KDM4B: variants seen among roughly 807,000 people sequenced by gnomAD.
KDM4B encodes the protein lysine-specific demethylase 4B.
In KDM4B, 32 loss-of-function variants were observed where a neutral mutation model predicts 125.2. That is an observed-to-expected ratio of 0.26 (90% CI 0.19 to 0.34). The LOEUF is 0.34. Among genes scored for constraint, KDM4B ranks in the 10% least tolerant of loss-of-function variants. The probability of loss-of-function intolerance (pLI) is 1.00; values close to 1 mark genes in which losing one functional copy is unlikely to be tolerated. For missense variants in KDM4B, 1,190 were observed against 1,577.7 expected, an observed-to-expected ratio of 0.75 and a Z score of 4.16; for synonymous variants, 721 against 677.9, an observed-to-expected ratio of 1.06 and a Z score of -0.99.
intron 1 of KDM4B, among the ~76,000 whole-genome samples, chr19:4,994,951 T>C (rs1334205475): frequency 6.6e-6 from 1 of 152,222 alleles, no homozygotes; most frequent in Admixed American, 6.5e-5. Flanking sequence ...AGCAAGGCTG[T>C]GCTTACTCCT....
chr19:5,036,443 T>A (rs1259210944), intron 3 of KDM4B, among the ~76,000 whole-genome samples: 4 of 152,170 alleles, frequency 2.6e-5, no homozygotes, highest in Non-Finnish European at 5.9e-5. Flanking sequence ...CCCCGACCAC[T>A]TGGGAAGCAC....
At chr19:5,113,999 G>A (rs959661259) in intron 10 of KDM4B, 14 of 1,259,290 alleles carry the variant, frequency 1.1e-5, no homozygotes, top group East Asian at 5.6e-5. Context: ...CTCGTTGAGC[G>A]AGCGTTGGGG....
At chr19:5,099,551 A>G (rs530678899) in intron 9 of KDM4B, among the ~76,000 whole-genome samples, 3 of 152,392 alleles carry the variant, frequency 2.0e-5, no homozygotes, top group East Asian at 1.9e-4. Flanking sequence ...TCAAAAGCCA[A>G]CATGGCAGGT....
chr19:5,132,016 G>T lies in KDM4B; in HGVS notation c.1906+9G>T. ...GGCCTCAAGTGACGAGGGTGAGTGG[G>T]GGGTCCCCAGGTCGGCTCTCATCAG... On this transcript the variant is annotated intron_variant, in intron 13 of 22. Transcript: ENST00000159111. 6.3e-7 allele frequency: 1 copy of T among 1,599,822 alleles called. No individual in the cohort carries two copies. The highest frequency in any genetic ancestry group is 2.2e-5 in the East Asian group (1 of 44,530).
intron 2 of KDM4B, among the ~76,000 whole-genome samples, chr19:5,027,655 C>T (rs1176135839): frequency 6.6e-6 from 1 of 151,646 alleles, no homozygotes; most frequent in African/African-American, 2.4e-5. Flanking sequence ...ATTCTCTTGC[C>T]TCAGCCTCCT....
intron 18 of KDM4B, among the ~76,000 whole-genome samples, chr19:5,139,578 C>T (rs2039706032): frequency 6.6e-6 from 1 of 152,244 alleles, no homozygotes; most frequent in African/African-American, 2.4e-5. Flanking sequence ...CTCGTCCTCA[C>T]TCACACCTAC....
chr19:5,128,246 G>T (rs956744107), intron 11 of KDM4B, among the ~76,000 whole-genome samples: 3 of 152,150 alleles, frequency 2.0e-5, no homozygotes, highest in African/African-American at 7.2e-5. Flanking sequence ...TTTCCTCCTC[G>T]CCTCCTTCCC....
At chr19:5,033,449 G>A (rs2036522215) in intron 3 of KDM4B, among the ~76,000 whole-genome samples, 1 of 152,150 alleles carries the variant, frequency 6.6e-6, no homozygotes, top group Non-Finnish European at 1.5e-5. Context: ...GTATGGTGGT[G>A]CATGCCTGTG....
chr19:5,135,339 G>T lies in KDM4B; in HGVS notation c.2086G>T (p.Ala696Ser). The T allele has an allele frequency of 6.2e-7, 1 of 1,607,422 alleles. No homozygotes were observed. The change falls in exon 15 of 23, where the codon GCC becomes TCC. Residue 696 changes from alanine (A) to serine (S), a missense_variant and splice_region_variant. Ala to Ser is a moderately conservative substitution (Grantham distance 99). This residue lies in a region of KDM4B where 128 missense variants were observed against 137.8 expected (regional missense o/e 0.93). Coordinates refer to ENST00000159111, the MANE Select transcript of KDM4B (RefSeq NM_015015.3). Reference sequence around the variant, plus strand: ...CCTGAAGGTCGCCTCTCCCCTACAGGCCCTACAGACTGAGAAGGAGGCACC... The same window carrying T: ...CCTGAAGGTCGCCTCTCCCCTACAGTCCCTACAGACTGAGAAGGAGGCACC... ...ICTLFYPYCQ[A>S]LQTEKEAPIA... is the part of the protein sequence containing the mutation.
intron 1 of KDM4B, among the ~76,000 whole-genome samples, chr19:4,982,609 C>G (rs1599350924): frequency 1.3e-5 from 2 of 151,814 alleles, no homozygotes; most frequent in South Asian, 4.2e-4. Flanking sequence ...CTCTCTCTCT[C>G]TCTTTCTCTC....
intron 1 of KDM4B, among the ~76,000 whole-genome samples, chr19:4,989,594 G>A (rs1426598522): frequency 1.3e-5 from 2 of 151,842 alleles, no homozygotes; most frequent in African/African-American, 2.4e-5. Context: ...GCCTGCCTCA[G>A]CCTCCCAAAG....
rs771674735 is a variant in KDM4B at position 5,151,355 on chromosome 19, G to T, written c.3135G>T (p.Pro1045=). ...CGCAGTCACTGAGCACGGGGGCACC[G>T]CAGGAGCCCGCCTTCTCGGGGGAGG... is the stretch of plus-strand genomic sequence containing the variant. ...RSRLSLSTGA[P]QEPAFSGEEA... Residue 1045 remains proline, a synonymous_variant, in exon 23 of 23, where the codon CCG becomes CCT. Transcript: ENST00000159111. 6.4e-7 allele frequency: 1 copy of T among 1,572,966 alleles called. No homozygotes were observed. Among genetic ancestry groups the T allele is most frequent in the East Asian group, 2.4e-5 (1 of 41,990 alleles).
chr19:5,011,270 G>A (rs138525207), intron 1 of KDM4B, among the ~76,000 whole-genome samples: 6 of 152,304 alleles, frequency 3.9e-5, no homozygotes, highest in Non-Finnish European at 7.4e-5. Context: ...GGCCGTGCTC[G>A]ATGCTGTTGG....
intron 1 of KDM4B, among the ~76,000 whole-genome samples, chr19:4,990,106 A>G (rs1348188032): frequency 6.6e-6 from 1 of 152,152 alleles, no homozygotes; most frequent in Non-Finnish European, 1.5e-5. Context: ...GCTGGGCAAC[A>G]TAATGAGACC....
intron 4 of KDM4B, 150 bp downstream of exon 4, chr19:5,040,161 T>C (rs1386037198): frequency 2.2e-6 from 2 of 890,486 alleles, no homozygotes; most frequent in Admixed American, 2.9e-5. Flanking sequence ...TGGCGACCCC[T>C]GCTCCCAGGG....
intron 2 of KDM4B, among the ~76,000 whole-genome samples, chr19:5,029,014 G>A (rs975950029): frequency 1.3e-5 from 2 of 152,170 alleles, no homozygotes; most frequent in African/African-American, 4.8e-5. Flanking sequence ...CAGCTCAAGC[G>A]ATTCTCCTGC....
intron 8 of KDM4B, chr19:5,077,698 C>T (rs56772573): frequency 0.078 from 41,060 of 523,932 alleles, 2,048 homozygotes; most frequent in Middle Eastern, 0.15. Context: ...ACCTCCCCTC[C>T]CAAACCAAAC....
chr19:5,019,921 T>C (rs1264895974), intron 2 of KDM4B, among the ~76,000 whole-genome samples: 2 of 141,206 alleles, frequency 1.4e-5, no homozygotes, highest in Non-Finnish European at 3.1e-5. Context: ...GGTGTGGATG[T>C]TGGTGTGGGT....
intron 9 of KDM4B, among the ~76,000 whole-genome samples, chr19:5,083,862 A>G (rs1296676639): frequency 6.6e-6 from 1 of 152,216 alleles, no homozygotes; most frequent in Non-Finnish European, 1.5e-5. Context: ...CACAAATGGC[A>G]GATTCTTCTC....
Sources: gnomAD v4.1 joint callset for allele counts (sites outside exome capture counted in the v4.1 genomes callset) on GRCh38, gnomAD v4.1.1 for gene constraint, gnomAD v4.1.1 regional missense constraint, MANE v1.5 for transcripts, NCBI Gene and HGNC (gene_info 2026-07-23, HGNC 2026-07-21) for gene names.